Variants in PAXIP1 observed in about 807,000 individuals in gnomAD.
PAXIP1 encodes the protein PAX interacting protein 1, also known as PAX-interacting protein 1.
Under a neutral mutation model 140.6 loss-of-function variants are expected in PAXIP1, and 19 were observed. The observed-to-expected ratio is 0.14, with a 90% CI of 0.09 to 0.20. The LOEUF (loss-of-function observed/expected upper bound fraction) is 0.20, where lower values mean the gene tolerates loss of function less well. PAXIP1 is among the 10% of genes least tolerant of loss of function. The pLI, the probability that PAXIP1 is intolerant of heterozygous loss-of-function variation, is 1.00. For missense variants in PAXIP1, 920 were observed against 1,208.6 expected, an observed-to-expected ratio of 0.76 and a Z score of 3.54; for synonymous variants, 442 against 444.6, an observed-to-expected ratio of 0.99 and a Z score of 0.07.
At chr7:154,988,448 T>C (rs1483714221) in intron 4 of PAXIP1, among the ~76,000 whole-genome samples, 2 of 152,216 alleles carry the variant, frequency 1.3e-5, no homozygotes, top group Non-Finnish European at 2.9e-5. Context: ...ACATGTATAA[T>C]ATAACAATTT....
intron 16 of PAXIP1, chr7:154,951,267 A>C (rs1440786541): frequency 6.6e-6 from 1 of 152,234 alleles, no homozygotes; most frequent in Non-Finnish European, 1.5e-5. Context: ...TGACTGGCCA[A>C]GAGTAAGCCC....
In PAXIP1 at chr7:154,963,723, C is replaced by T. The variant is rs763378535; in HGVS notation, c.1937G>A (p.Ser646Asn). ...CTCACAGAGAAGGTGCGTGCATCGACTCGTGAAGGTGGGGTCAACAGTGCC... is the reference window on the plus strand; with the variant it reads ...CTCACAGAGAAGGTGCGTGCATCGATTCGTGAAGGTGGGGTCAACAGTGCC... ...HGGTVDPTFT[S>N]RCTHLLCESQ... The change falls in exon 9 of 21, where the codon AGT becomes AAT. Residue 646 changes from serine (S) to asparagine (N), a missense_variant. Ser to Asn is a conservative substitution (Grantham distance 46, BLOSUM62 1). Around this residue, in one of 5 missense-constraint regions of PAXIP1, gnomAD observed 62 missense variants for 69.0 expected, o/e 0.90. Transcript: ENST00000404141. This position sits in a 1 kb window ranked among gnomAD's most constrained non-coding sequence, Gnocchi z 4.1. The T allele has an allele frequency of 6.2e-7, 1 of 1,613,650 alleles. No individual in the cohort carries two copies. Among genetic ancestry groups the T allele is most frequent in the East Asian group, 2.2e-5 (1 of 44,872 alleles).
At chr7:154,979,650 G>A (rs1486072839) in intron 5 of PAXIP1, among the ~76,000 whole-genome samples, 1 of 127,718 alleles carries the variant, frequency 7.8e-6, no homozygotes, top group African/African-American at 2.9e-5. Context: ...ATTATATTAT[G>A]TTAATTATAA....
chr7:154,975,545 C>T (rs1809531612), intron 6 of PAXIP1, 151 bp downstream of exon 6: 1 of 611,410 alleles, frequency 1.6e-6, no homozygotes, highest in African/African-American at 1.9e-5. Context: ...CACACACACA[C>T]ACACACACAC....
At chr7:154,967,675 A>C (rs1474231848) in intron 8 of PAXIP1, 141 bp downstream of exon 8, 1 of 611,100 alleles carries the variant, frequency 1.6e-6, no homozygotes, top group East Asian at 2.8e-5. Context: ...GGTCACACAG[A>C]ATGTTAATCA....
At position 154,946,648 on chromosome 7, in the gene PAXIP1, C is replaced by A; in HGVS notation, c.3057+31G>T. 1 of 1,613,488 alleles carries A rather than the reference C, an allele frequency of 6.2e-7. No individual in the cohort carries two copies. Among genetic ancestry groups the A allele is most frequent in the Non-Finnish European group, 8.5e-7 (1 of 1,179,590 alleles). ...CGCTGAATGTGATACAGGGCAATGA[C>A]GGACTCGCTGGCGGACTCCACTCTA... is the stretch of plus-strand genomic sequence containing the variant. On this transcript the variant is annotated intron_variant, in intron 18 of 20. Coordinates refer to ENST00000404141, the MANE Select transcript of PAXIP1 (RefSeq NM_007349.4). The surrounding 1 kb of genome is among the most constrained non-coding windows in gnomAD (Gnocchi z 4.9).
Position 154,975,789 on chromosome 7 carries a change from C to T in PAXIP1, c.981G>A (p.Met327Ile), listed in dbSNP as rs1294148365. 2 of 1,613,784 alleles carry T rather than the reference C, an allele frequency of 1.2e-6. No homozygotes were observed. Among genetic ancestry groups the T allele is most frequent in the Non-Finnish European group, 1.7e-6 (2 of 1,179,820 alleles). ...QNLQSSERSEMIATWSPAVRT... is the reference protein window; with the variant it reads ...QNLQSSERSEIIATWSPAVRT... ...GTACAGCTGGACTCCAGGTAGCTAT[C>T]ATTTCTGATCTTTCAGAACTTTGGA... Residue 327 changes from methionine (M) to isoleucine (I), a missense_variant, in exon 6 of 21, where the codon ATG becomes ATA. By Grantham distance (10) the Met-to-Ile change is conservative. Transcript: ENST00000404141.
In PAXIP1 at chr7:154,968,850, G is replaced by C. The variant is rs1477576879; in HGVS notation, c.1351C>G (p.Gln451Glu). The change falls in exon 7 of 21, where the codon CAA becomes GAA. Residue 451 changes from glutamine (Q) to glutamate (E), a missense_variant. Gln to Glu is a conservative substitution (Grantham distance 29, BLOSUM62 2). Around this residue, in one of 5 missense-constraint regions of PAXIP1, gnomAD observed 133 missense variants for 88.4 expected, o/e 1.50. Coordinates refer to ENST00000404141, the MANE Select transcript of PAXIP1 (RefSeq NM_007349.4). ...TGGGCTTGCTGCTGCTGCTGCTGTT[G>C]CTGTGAAAATGGATGCGGCGGCTGC... ...PQQPPHPFSQ[Q>E]QQQQQQAHPH... 1.3e-6 allele frequency: 1 copy of C among 778,426 alleles called. No homozygotes were observed. The highest frequency in any genetic ancestry group is 2.3e-6 in the Non-Finnish European group (1 of 440,558). 48.2% of individuals were successfully genotyped at this position (778,426 alleles called of 1,614,324 possible). A position where few individuals can be genotyped will look rare whatever the true frequency, so the allele number is the denominator to read the frequency against.
chr7:154,964,019 G>C, intron 8 of PAXIP1: 1 of 430,060 alleles, frequency 2.3e-6, no homozygotes, highest in Non-Finnish European at 4.3e-6. Context: ...ATGCACTCCA[G>C]GGCTTCTCAA....
intron 6 of PAXIP1, among the ~76,000 whole-genome samples, chr7:154,975,243 T>C (rs1284687403): frequency 6.6e-6 from 1 of 151,898 alleles, no homozygotes; most frequent in Non-Finnish European, 1.5e-5. Context: ...CTCCATGCTA[T>C]ATAAACTGTA....
At chr7:154,945,616 AGAG>A (rs1456429889) in intron 20 of PAXIP1, 1 of 773,348 alleles carries the variant, frequency 1.3e-6, no homozygotes, top group Non-Finnish European at 1.5e-6. Context: ...ACCCTCACAG[AGAG>A]GAGGAGCTCC....
At position 154,968,922 on chromosome 7, in the gene PAXIP1, G is replaced by T; in HGVS notation, c.1279C>A (p.Leu427Ile). The change falls in exon 7 of 21, where the codon CTC becomes ATC. Residue 427 changes from leucine to isoleucine, a missense_variant. Leu to Ile is a conservative substitution (Grantham distance 5). Around this residue, in one of 5 missense-constraint regions of PAXIP1, gnomAD observed 133 missense variants for 88.4 expected, o/e 1.50. Transcript: ENST00000404141. ...LHLQPQQIMQ[L>I]QQQQQQQISQ... is the part of the protein sequence containing the mutation. ...ATCTGCTGCTGCTGCTGCTGCTGGA[G>T]CTGCATTATCTGCTGGGGCTGAAGG... is the stretch of plus-strand genomic sequence containing the variant. The T allele has an allele frequency of 7.4e-7, 1 of 1,356,830 alleles. No homozygotes were observed. Among genetic ancestry groups the T allele is most frequent in the Non-Finnish European group, 1.0e-6 (1 of 971,674 alleles). The allele number at this position is 1,356,830 out of a possible 1,614,324, so 84.0% of individuals were successfully genotyped here. A position where few individuals can be genotyped will look rare whatever the true frequency, so the allele number is the denominator to read the frequency against.
intron 4 of PAXIP1, among the ~76,000 whole-genome samples, chr7:154,987,431 T>C (rs540946995): frequency 6.6e-6 from 1 of 152,294 alleles, no homozygotes; most frequent in Non-Finnish European, 1.5e-5. Context: ...TCCTCCAGTA[T>C]CATCTCTGTT....
chr7:154,992,017 A>G (rs1810353472), intron 3 of PAXIP1, among the ~76,000 whole-genome samples: 1 of 152,240 alleles, frequency 6.6e-6, no homozygotes, highest in African/African-American at 2.4e-5. Context: ...TGATACCTTC[A>G]GCCCCATTAT....
chr7:154,989,074 T>C (rs1437941761), intron 4 of PAXIP1, among the ~76,000 whole-genome samples: 1 of 152,128 alleles, frequency 6.6e-6, no homozygotes, highest in Non-Finnish European at 1.5e-5. Flanking sequence ...ACCAACAAAA[T>C]TCCTGTTAAA....
At chr7:154,995,339 T>TC (rs923116609) in intron 2 of PAXIP1, among the ~76,000 whole-genome samples, 1 of 151,946 alleles carries the variant, frequency 6.6e-6, no homozygotes, top group African/African-American at 2.4e-5. Flanking sequence ...GCTGAATATC[T>TC]CCCCCCAGGG....
rs1808880646 is a variant in PAXIP1 at position 154,963,896 on chromosome 7, G to A, written c.1894-130C>T. ...TCATGTATTTCCTCAAAGTATCAAG[G>A]ACATGTAACAGTTCTATTTACGGAC... On this transcript the variant is annotated intron_variant, in intron 8 of 20. Transcript: ENST00000404141. This position sits in a 1 kb window ranked among gnomAD's most constrained non-coding sequence, Gnocchi z 4.1. 1.5e-6 allele frequency: 1 copy of A among 671,144 alleles called. No homozygotes were observed. Among genetic ancestry groups the A allele is most frequent in the African/African-American group, 1.8e-5 (1 of 56,002 alleles). The allele number at this position is 671,144 out of a possible 1,614,324, so 41.6% of individuals were successfully genotyped here. A position where few individuals can be genotyped will look rare whatever the true frequency, so the allele number is the denominator to read the frequency against.
chr7:154,969,855 G>C (rs1461254294), intron 6 of PAXIP1, among the ~76,000 whole-genome samples: 1 of 152,212 alleles, frequency 6.6e-6, no homozygotes, highest in African/African-American at 2.4e-5. Flanking sequence ...CTCATCATTA[G>C]AGCTGGGAAA....
At position 154,975,682 on chromosome 7, in the gene PAXIP1, A is replaced by C. The variant is rs765595508; in HGVS notation, c.1074+14T>G. On this transcript the variant is annotated intron_variant, in intron 6 of 20. Coordinates refer to ENST00000404141, the MANE Select transcript of PAXIP1 (RefSeq NM_007349.4). Reference sequence around the variant, plus strand: ...GATCCAATACTGACATTTTTTTCGGAAAGAGTGACTTACATGTGCTACATT... The same window carrying C: ...GATCCAATACTGACATTTTTTTCGGCAAGAGTGACTTACATGTGCTACATT... 22 of 1,549,918 alleles carry C rather than the reference A, an allele frequency of 1.4e-5. No individual in the cohort carries two copies. In the Admixed American group the frequency reaches 1.6e-4, roughly 11 times the overall value.
Sources: gnomAD v4.1 joint callset for allele counts (sites outside exome capture counted in the v4.1 genomes callset) on GRCh38, gnomAD v4.1.1 for gene constraint, gnomAD v4.1.1 regional missense constraint, Gnocchi (gnomAD v3.1) non-coding constraint, MANE v1.5 for transcripts, NCBI Gene and HGNC (gene_info 2026-07-23, HGNC 2026-07-21) for gene names.